The following EFCAB6 variants were observed in gnomAD, a reference collection of about 807,000 sequenced individuals.
EFCAB6 encodes EF-hand calcium-binding domain-containing protein 6.
In EFCAB6, 156 loss-of-function variants were observed where a neutral mutation model predicts 169.8. That is an observed-to-expected ratio of 0.92 (90% CI 0.81 to 1.05). The LOEUF (loss-of-function observed/expected upper bound fraction) is 1.05. Among genes scored for constraint, EFCAB6 ranks in the 50% least tolerant of loss-of-function variants. The pLI, the probability that EFCAB6 is intolerant of heterozygous loss-of-function variation, is 0.00. For missense variants in EFCAB6, 1,800 were observed against 1,829.1 expected, an observed-to-expected ratio of 0.98 and a Z score of 0.29; for synonymous variants, 698 against 676.4, an observed-to-expected ratio of 1.03 and a Z score of -0.50.
rs1057458833 is a variant in EFCAB6 at position 43,572,501 on chromosome 22, C to A, written c.3420+3796G>T. ...TGTCACTCAGAGTCAAAGCCAAAGT[C>A]TTTACAAGGACCCCAAGCCTACGGC... On this transcript the variant is annotated intron_variant, in intron 26 of 31. Transcript: ENST00000262726. The surrounding 1 kb of genome is among the most constrained non-coding windows in gnomAD (Gnocchi z 4.0). 6.6e-6 allele frequency among the ~76,000 whole-genome samples: 1 copy of A among 152,174 alleles called. No individual in the cohort carries two copies. Among genetic ancestry groups the A allele is most frequent in the Admixed American group, 6.5e-5 (1 of 15,290 alleles).
At chr22:43,532,268 G>A (rs1215506922) in intron 30 of EFCAB6, among the ~76,000 whole-genome samples, 1 of 152,258 alleles carries the variant, frequency 6.6e-6, no homozygotes, top group African/African-American at 2.4e-5. Flanking sequence ...AGCTTTGCGG[G>A]GTTGCTGAGG....
At chr22:43,573,982 T>C (rs1272280587) in intron 26 of EFCAB6, among the ~76,000 whole-genome samples, 8 of 152,104 alleles carry the variant, frequency 5.3e-5, no homozygotes, top group Admixed American at 5.2e-4. Flanking sequence ...ATTTAAAATA[T>C]ATATAAGGGG....
chr22:43,726,822 G>T (rs139056195), intron 8 of EFCAB6, among the ~76,000 whole-genome samples: 2 of 152,166 alleles, frequency 1.3e-5, no homozygotes, highest in African/African-American at 2.4e-5. Flanking sequence ...ATGTCCCACC[G>T]CTGGGAGGAC....
At chr22:43,809,226 C>T (rs1408222463) in intron 1 of EFCAB6, 95 bp from the exon 2 acceptor site, 2 of 152,040 alleles carry the variant, frequency 1.3e-5, no homozygotes, top group Non-Finnish European at 2.9e-5. Context: ...ATTTTATTAC[C>T]TTCTATTTTT....
chr22:43,796,744 C>T (rs1426376415), intron 2 of EFCAB6, among the ~76,000 whole-genome samples: 2 of 152,182 alleles, frequency 1.3e-5, no homozygotes, highest in African/African-American at 4.8e-5. Flanking sequence ...TATAGTCAAG[C>T]CAAATCCAAG....
chr22:43,615,720 T>G, intron 21 of EFCAB6, 106 bp downstream of exon 21: 1 of 912,950 alleles, frequency 1.1e-6, no homozygotes, highest in Non-Finnish European at 1.6e-6. Flanking sequence ...TACACAGAGT[T>G]GTTTTCCCAT....
At chr22:43,765,770 G>A (rs576605031) in intron 4 of EFCAB6, among the ~76,000 whole-genome samples, 2 of 152,186 alleles carry the variant, frequency 1.3e-5, no homozygotes, top group South Asian at 2.1e-4. Context: ...AGTGTCACGT[G>A]AACTTTGTAC....
intron 26 of EFCAB6, among the ~76,000 whole-genome samples, chr22:43,565,139 A>G (rs1447412629): frequency 6.6e-6 from 1 of 152,210 alleles, no homozygotes; most frequent in Non-Finnish European, 1.5e-5. Flanking sequence ...TGATGGAAGG[A>G]TGAAGGAGCA....
At chr22:43,808,768 G>C (rs1367708041) in intron 2 of EFCAB6, among the ~76,000 whole-genome samples, 1 of 152,324 alleles carries the variant, frequency 6.6e-6, no homozygotes, top group South Asian at 2.1e-4. Flanking sequence ...AAACCCAGCA[G>C]GAAGAACTGG....
intron 10 of EFCAB6, among the ~76,000 whole-genome samples, chr22:43,691,439 T>C (rs542614321): frequency 1.3e-5 from 2 of 152,206 alleles, no homozygotes; most frequent in Admixed American, 6.5e-5. Flanking sequence ...TAGTATTACA[T>C]ACTAAAATAA....
intron 17 of EFCAB6, among the ~76,000 whole-genome samples, chr22:43,655,307 T>C (rs188554952): frequency 1.3e-5 from 2 of 151,938 alleles, no homozygotes; most frequent in Admixed American, 1.3e-4. Flanking sequence ...GCAAAACAAC[T>C]ATCACACAAA....
intron 4 of EFCAB6, among the ~76,000 whole-genome samples, chr22:43,768,997 G>C (rs1406842910): frequency 6.6e-6 from 1 of 152,158 alleles, no homozygotes; most frequent in Admixed American, 6.5e-5. Flanking sequence ...CCCTAGGTAT[G>C]TACCCAAGAG....
At position 43,586,833 on chromosome 22, in the gene EFCAB6, C is replaced by T. The variant is rs141884273; in HGVS notation, c.3032+3241G>A. Among the ~76,000 whole-genome samples the T allele has an allele frequency of 7.8e-3, 1,192 of 152,246 alleles. 12 individuals are homozygous for T. Among genetic ancestry groups the T allele is most frequent in the Non-Finnish European group, 9.8e-3 (668 of 68,020 alleles). ...TGAATCAGAAACTTTGGGGGAGGGA[C>T]CCAACAATCTTGAGTTTTAATGAGC... On this transcript the variant is annotated intron_variant, in intron 24 of 31. Coordinates refer to ENST00000262726, the MANE Select transcript of EFCAB6 (RefSeq NM_022785.4).
chr22:43,581,572 A>C (rs1234646218), intron 24 of EFCAB6, among the ~76,000 whole-genome samples: 1 of 152,264 alleles, frequency 6.6e-6, no homozygotes, highest in Non-Finnish European at 1.5e-5. Context: ...GTTTAATTGC[A>C]TTCAAAGTTC....
Position 43,651,686 on chromosome 22 carries a change from G to A in EFCAB6, c.1983+15418C>T, listed in dbSNP as rs537293138. Among the ~76,000 whole-genome samples the A allele has an allele frequency of 3.9e-5, 6 of 152,332 alleles. No homozygotes were observed. In the East Asian group the frequency reaches 5.8e-4, roughly 15 times the overall value. ...TCAATGTCAGCCCATGAAAGCAGCC[G>A]GGAGGGAGGCTGTACCCTGAAAAGC... On this transcript the variant is annotated intron_variant, in intron 17 of 31. Transcript: ENST00000262726.
intron 17 of EFCAB6, among the ~76,000 whole-genome samples, chr22:43,639,722 T>G (rs192383669): frequency 6.6e-6 from 1 of 152,216 alleles, no homozygotes; most frequent in African/African-American, 2.4e-5. Flanking sequence ...TCTTCACATA[T>G]ATCCTCTTCC....
At chr22:43,768,410 T>C (rs892030300) in intron 4 of EFCAB6, among the ~76,000 whole-genome samples, 1 of 152,264 alleles carries the variant, frequency 6.6e-6, no homozygotes, top group Admixed American at 6.5e-5. Flanking sequence ...ATTTTGTAAG[T>C]GTCCAGTTAG....
chr22:43,656,144 A>G (rs1162318382), intron 17 of EFCAB6, among the ~76,000 whole-genome samples: 1 of 152,156 alleles, frequency 6.6e-6, no homozygotes, highest in African/African-American at 2.4e-5. Flanking sequence ...TAATCTCAGC[A>G]CTTTGGGAGG....
At chr22:43,625,303 A>C (rs2054423779) in intron 20 of EFCAB6, among the ~76,000 whole-genome samples, 1 of 152,160 alleles carries the variant, frequency 6.6e-6, no homozygotes, top group Non-Finnish European at 1.5e-5. Context: ...CTCAAGGACA[A>C]AACAGCATAG....
Sources: allele counts gnomAD v4.1 joint callset (sites outside exome capture counted in the v4.1 genomes callset), GRCh38; gene constraint gnomAD v4.1.1; non-coding constraint Gnocchi (gnomAD v3.1); transcripts MANE v1.5; gene names NCBI Gene and HGNC (gene_info 2026-07-23, HGNC 2026-07-21).